CDH2: variants seen among roughly 807,000 people sequenced by gnomAD.
The protein encoded by CDH2 is cadherin 2.
In CDH2, 17 loss-of-function variants were observed where a neutral mutation model predicts 92.0. The observed-to-expected ratio is 0.18, with a 90% CI of 0.13 to 0.28. The LOEUF is 0.28. Ranked by LOEUF, CDH2 falls within the 10% of genes least tolerant of loss-of-function variation. The probability of loss-of-function intolerance (pLI) is 1.00; values close to 1 mark genes in which losing one functional copy is unlikely to be tolerated. For missense variants in CDH2, 862 were observed against 1,133.1 expected (o/e 0.76, Z 3.44); for synonymous variants, 419 against 415.9 (o/e 1.01, Z -0.09).
intron 2 of CDH2, among the ~76,000 whole-genome samples, chr18:28,135,306 G>A (rs2015843546): frequency 6.6e-6 from 1 of 152,120 alleles, no homozygotes; most frequent in African/African-American, 2.4e-5. Flanking sequence ...CCAGACAGAT[G>A]ATCTACCAAT....
intron 6 of CDH2, among the ~76,000 whole-genome samples, chr18:27,945,655 G>A (rs1476408161): frequency 1.3e-5 from 2 of 152,084 alleles, no homozygotes; most frequent in African/African-American, 2.4e-5. Context: ...TACCATCAGG[G>A]TCCATTAACA....
chr18:28,171,389 A>T (rs930597004), intron 1 of CDH2, among the ~76,000 whole-genome samples: 9 of 152,052 alleles, frequency 5.9e-5, no homozygotes, highest in African/African-American at 1.7e-4. Flanking sequence ...TAAAACTAAT[A>T]AAAAAAATTT....
chr18:27,935,282 T>C (rs1908990868), intron 6 of CDH2, among the ~76,000 whole-genome samples: 1 of 152,176 alleles, frequency 6.6e-6, no homozygotes, highest in Non-Finnish European at 1.5e-5. Context: ...AGGAAACTTC[T>C]AGTTATAGAG....
chr18:28,077,086 A>G (rs932645019), intron 2 of CDH2, among the ~76,000 whole-genome samples: 1 of 152,010 alleles, frequency 6.6e-6, no homozygotes, highest in African/African-American at 2.4e-5. Context: ...GTACTAAACA[A>G]TTTTCATCAA....
rs376029450 is a variant in CDH2 at position 28,003,176 on chromosome 18, A to G, written c.848-7T>C. On this transcript the variant is annotated splice_polypyrimidine_tract_variant and splice_region_variant and intron_variant, in intron 6 of 15. Coordinates refer to ENST00000269141, the MANE Select transcript of CDH2 (RefSeq NM_001792.5). Reference sequence around the variant, plus strand: ...ACGGTCATCACATATGTTCCTAGAGACAGTGTACATGGAAAATGAATGGTT... The same window carrying G: ...ACGGTCATCACATATGTTCCTAGAGGCAGTGTACATGGAAAATGAATGGTT... 8.1e-6 allele frequency: 13 copies of G among 1,608,958 alleles called. No individual in the cohort carries two copies. The African/African-American group carries it at 1.3e-4, about 17-fold the overall frequency.
intron 2 of CDH2, among the ~76,000 whole-genome samples, chr18:28,021,044 T>C (rs1376892460): frequency 6.6e-6 from 1 of 152,088 alleles, no homozygotes; most frequent in African/African-American, 2.4e-5. Context: ...AAGGAATGGA[T>C]GGTTGTCTCG....
intron 2 of CDH2, among the ~76,000 whole-genome samples, chr18:28,128,170 T>C (rs1229885906): frequency 6.6e-6 from 1 of 152,166 alleles, no homozygotes; most frequent in Non-Finnish European, 1.5e-5. Flanking sequence ...TATCATAAAA[T>C]TCCCTGTCAG....
intron 5 of CDH2, 117 bp downstream of exon 5, chr18:28,009,600 T>C: frequency 1.3e-6 from 1 of 758,330 alleles, no homozygotes; most frequent in Admixed American, 3.2e-5. Context: ...AGACTACAGA[T>C]ACAATTCTTA....
intron 5 of CDH2, among the ~76,000 whole-genome samples, chr18:28,009,508 C>G (rs1169782414): frequency 2.6e-5 from 4 of 152,104 alleles, no homozygotes; most frequent in Non-Finnish European, 5.9e-5. Flanking sequence ...TTCCTTCTTT[C>G]TTTGTTGTGG....
chr18:28,072,147 TCTC>T (rs1599078463), intron 2 of CDH2, among the ~76,000 whole-genome samples: 1 of 152,048 alleles, frequency 6.6e-6, no homozygotes, highest in Non-Finnish European at 1.5e-5. Flanking sequence ...ATTCTCTCCT[TCTC>T]CTCTCCCATT....
At chr18:28,022,739 A>C (rs1442958525) in intron 2 of CDH2, among the ~76,000 whole-genome samples, 1 of 152,168 alleles carries the variant, frequency 6.6e-6, no homozygotes, top group African/African-American at 2.4e-5. Flanking sequence ...AGTTTCAAAC[A>C]TTCACAGGGA....
In CDH2 at chr18:28,126,642, A is replaced by C. The variant is rs551253753; in HGVS notation, c.172+21031T>G. Among the ~76,000 whole-genome samples, 10 of 152,316 alleles carry C rather than the reference A, an allele frequency of 6.6e-5. No individual in the cohort carries two copies. In the East Asian group the frequency reaches 1.9e-3, roughly 29 times the overall value. On this transcript the variant is annotated intron_variant, in intron 2 of 15. Transcript: ENST00000269141. ...TCTACAAATAATTAACTTTGAAAAA[A>C]ATAATTGGGGTAAATTGCTCCAATT... is the stretch of plus-strand genomic sequence containing the variant.
chr18:27,950,676 G>C (rs1291378343), downstream of CDH2, among the ~76,000 whole-genome samples: 1 of 152,060 alleles, frequency 6.6e-6, no homozygotes, highest in East Asian at 1.9e-4. Flanking sequence ...ATTAAAACAT[G>C]AGTTATATTA....
chr18:28,056,418 C>T (rs1018695466), intron 2 of CDH2, among the ~76,000 whole-genome samples: 1 of 152,074 alleles, frequency 6.6e-6, no homozygotes, highest in Admixed American at 6.5e-5. Flanking sequence ...GGTAATTGGC[C>T]TAGGAAACAA....
At chr18:28,045,156 C>T (rs2144115177) in intron 2 of CDH2, among the ~76,000 whole-genome samples, 1 of 152,216 alleles carries the variant, frequency 6.6e-6, no homozygotes, top group South Asian at 2.1e-4. Flanking sequence ...CTTCCTCATC[C>T]AACTGGTCTT....
intron 2 of CDH2, among the ~76,000 whole-genome samples, chr18:28,039,146 A>C (rs2013897780): frequency 6.6e-6 from 1 of 152,264 alleles, no homozygotes; most frequent in Admixed American, 6.5e-5. Flanking sequence ...AATGTCATGC[A>C]AAGTCCCTTC....
intron 1 of CDH2, among the ~76,000 whole-genome samples, chr18:28,153,475 T>C (rs1598512764): frequency 6.6e-6 from 1 of 152,236 alleles, no homozygotes; most frequent in African/African-American, 2.4e-5. Context: ...TAGATGCTAC[T>C]TAGATGCTAA....
chr18:28,086,752 T>C (rs2144202509), intron 2 of CDH2, among the ~76,000 whole-genome samples: 1 of 152,282 alleles, frequency 6.6e-6, no homozygotes, highest in South Asian at 2.1e-4. Context: ...AATTTCAGTA[T>C]CCTCTGGTCT....
chr18:28,175,160 G>A (rs2144377467), intron 1 of CDH2, among the ~76,000 whole-genome samples: 1 of 152,288 alleles, frequency 6.6e-6, no homozygotes, highest in South Asian at 2.1e-4. Flanking sequence ...GGAGAATAAA[G>A]GGCGGTTTTA....
Sources: gnomAD v4.1 joint callset for allele counts (sites outside exome capture counted in the v4.1 genomes callset) on GRCh38, gnomAD v4.1.1 for gene constraint, MANE v1.5 for transcripts, NCBI Gene and HGNC (gene_info 2026-07-23, HGNC 2026-07-21) for gene names.